The following GNPTAB variants were observed in gnomAD, a reference collection of about 807,000 sequenced individuals.
GNPTAB encodes N-acetylglucosamine-1-phosphotransferase subunits alpha/beta.
Under a neutral mutation model 136.6 loss-of-function variants are expected in GNPTAB, and 92 were observed. The observed-to-expected ratio is 0.67, with a 90% CI of 0.57 to 0.80. GNPTAB has a LOEUF of 0.80. GNPTAB is among the 30% of genes least tolerant of loss of function. GNPTAB has a pLI of 0.00. For synonymous variants in GNPTAB, 512 were observed against 535.1 expected, an observed-to-expected ratio of 0.96 and a Z score of 0.60; for missense variants, 1,343 against 1,501.8, an observed-to-expected ratio of 0.89 and a Z score of 1.75.
At chr12:101,768,432 C>T (rs547266874) in intron 10 of GNPTAB, among the ~76,000 whole-genome samples, 1 of 152,296 alleles carries the variant, frequency 6.6e-6, no homozygotes, top group Admixed American at 6.5e-5. Context: ...GGATTAGTCT[C>T]TCATAACATG....
At chr12:101,765,894 G>T in intron 12 of GNPTAB, 197 bp downstream of exon 12, 1 of 576,444 alleles carries the variant, frequency 1.7e-6, no homozygotes, top group East Asian at 3.1e-5. Flanking sequence ...CAAAACACCA[G>T]ACTGCAACAA....
intron 2 of GNPTAB, among the ~76,000 whole-genome samples, chr12:101,791,573 C>T (rs1172816187): frequency 6.6e-6 from 1 of 151,824 alleles, no homozygotes; most frequent in African/African-American, 2.4e-5. Context: ...CCACATACGG[C>T]CCACAGGTTG....
rs1953065532 is a variant in GNPTAB, at chr12:101,764,979, C to A, written c.1938G>T (p.Gln646His). Reference protein sequence around the residue: ...REGPKLNSTAQKGYENLVSPI... With the variant: ...REGPKLNSTAHKGYENLVSPI... Reference sequence around the variant, plus strand: ...GACTAACTAAATTTTCGTAACCCTTCTGGGCTGTAGAATTCAGTTTTGGTC... The same window carrying A: ...GACTAACTAAATTTTCGTAACCCTTATGGGCTGTAGAATTCAGTTTTGGTC... Residue 646 changes from glutamine to histidine, a missense_variant, in exon 13 of 21, where the codon CAG (glutamine) becomes CAT (histidine). By Grantham distance (24) the Gln-to-His change is conservative. Transcript: ENST00000299314. 1 of 1,614,086 alleles carries A rather than the reference C, an allele frequency of 6.2e-7. No homozygotes were observed. The highest frequency in any genetic ancestry group is 1.7e-5 in the Admixed American group (1 of 60,028).
rs1292556481 is a variant in GNPTAB at position 101,764,394 on chromosome 12, T to C, written c.2523A>G (p.Pro841=). Residue 841 remains proline, a synonymous_variant, in exon 13 of 21, where the codon CCA becomes CCG. Coordinates refer to ENST00000299314, the MANE Select transcript of GNPTAB (RefSeq NM_024312.5). ...TKEKPPSLIV[P]LESQMTKEKK... ...TTTCTTTTGTCATCTGGCTTTCCAGTGGAACAATCAGAGATGGGGGCTTTT... is the reference window on the plus strand; with the variant it reads ...TTTCTTTTGTCATCTGGCTTTCCAGCGGAACAATCAGAGATGGGGGCTTTT... The C allele has an allele frequency of 3.1e-6, 5 of 1,613,858 alleles. No homozygotes were observed. The highest frequency in any genetic ancestry group is 4.2e-6 in the Non-Finnish European group (5 of 1,180,022).
intron 1 of GNPTAB, among the ~76,000 whole-genome samples, chr12:101,801,332 A>G (rs1869611234): frequency 6.7e-6 from 1 of 149,096 alleles, no homozygotes; most frequent in African/African-American, 2.5e-5. Flanking sequence ...ACTTGAGCCC[A>G]GGAGTTCGAG....
intron 7 of GNPTAB, chr12:101,779,517 T>C (rs1953308018): frequency 6.5e-6 from 1 of 153,886 alleles, no homozygotes; most frequent in Non-Finnish European, 1.4e-5. Flanking sequence ...GTGGCATCAA[T>C]GGTCAAGCCT....
At position 101,770,161 on chromosome 12, in the gene GNPTAB, T is replaced by C. The variant is rs112543062; in HGVS notation, c.1144A>G (p.Thr382Ala). ...DVFRNLSHLPTFSSPAIESHI... is the reference protein window; with the variant it reads ...DVFRNLSHLPAFSSPAIESHI... ...CTTTCAATAGCAGGTGAACTAAAGG[T>C]AGGCAAGTGGCTCAAATTTCGAAAA... The change falls in exon 10 of 21, where the codon ACC becomes GCC. Residue 382 changes from threonine (T) to alanine (A), a missense_variant. Coordinates refer to ENST00000299314, the MANE Select transcript of GNPTAB (RefSeq NM_024312.5). The C allele has an allele frequency of 7.4e-6, 12 of 1,614,128 alleles. No homozygotes were observed. In the South Asian group the frequency reaches 1.3e-4, roughly 18 times the overall value.
Position 101,757,236 on chromosome 12 carries a change from A to G in GNPTAB, c.3410T>C (p.Leu1137Ser), listed in dbSNP as rs142065232. 6.2e-7 allele frequency: 1 copy of G among 1,603,540 alleles called. No homozygotes were observed. Among genetic ancestry groups the G allele is most frequent in the African/African-American group, 1.3e-5 (1 of 74,834 alleles). Residue 1137 changes from leucine (L) to serine (S), a missense_variant, in exon 18 of 21, where the codon TTG becomes TCG. Coordinates refer to ENST00000299314, the MANE Select transcript of GNPTAB (RefSeq NM_024312.5). ...RTNVSHVVGQ[L>S]DDIRKNPRKF... ...CCTAGGGTTTTTTCTTATGTCATCC[A>G]ACTGGCCAACCACATGAGAAACGTT...
chr12:101,819,525 G>A (rs548041852), intron 1 of GNPTAB, among the ~76,000 whole-genome samples: 8 of 152,170 alleles, frequency 5.3e-5, no homozygotes, highest in African/African-American at 1.9e-4. Context: ...GTTTATCAAA[G>A]GAAAAAGAAA....
chr12:101,797,786 C>T (rs759771696), intron 1 of GNPTAB, among the ~76,000 whole-genome samples: 1 of 152,136 alleles, frequency 6.6e-6, no homozygotes, highest in Non-Finnish European at 1.5e-5. Context: ...AATCTATAAA[C>T]CTACCCACAC....
chr12:101,751,910 T>C (rs1952825064), intron 19 of GNPTAB, among the ~76,000 whole-genome samples: 1 of 152,094 alleles, frequency 6.6e-6, no homozygotes, highest in South Asian at 2.1e-4. Context: ...TGCAAGTTAC[T>C]TCCTGTTGCT....
At chr12:101,772,271 C>T (rs1307710361) in intron 7 of GNPTAB, among the ~76,000 whole-genome samples, 1 of 152,196 alleles carries the variant, frequency 6.6e-6, no homozygotes, top group Non-Finnish European at 1.5e-5. Flanking sequence ...TGAACTAGTG[C>T]TTCTAAAAGA....
Position 101,747,180 on chromosome 12 carries a change from T to C in GNPTAB, c.3755A>G (p.Asn1252Ser), listed in dbSNP as rs749653387. 1.3e-5 allele frequency: 20 copies of C among 1,583,954 alleles called. No homozygotes were observed. The highest frequency in any genetic ancestry group is 4.0e-5 in the African/African-American group (3 of 74,478). Residue 1252 changes from asparagine to serine, a missense_variant, in exon 21 of 21, where the codon AAT (asparagine) becomes AGT (serine). Asn to Ser is a conservative substitution (Grantham distance 46). Coordinates refer to ENST00000299314, the MANE Select transcript of GNPTAB (RefSeq NM_024312.5). ...GAAGATCTTCTATACTCTGATTCGA[T>C]TGGGACTAGCTTCTTTGTGTATCCT... Reference protein sequence around the residue: ...RRRIHKEASPNRIRV With the variant: ...RRRIHKEASPSRIRV
intron 1 of GNPTAB, among the ~76,000 whole-genome samples, chr12:101,811,753 C>T (rs1018993792): frequency 1.3e-5 from 2 of 151,712 alleles, no homozygotes; most frequent in Admixed American, 1.3e-4. Context: ...ATTCTCTTGC[C>T]TCAGCTTCCC....
chr12:101,771,928 T>C (rs1457477858), intron 7 of GNPTAB, among the ~76,000 whole-genome samples: 1 of 152,278 alleles, frequency 6.6e-6, no homozygotes, highest in Admixed American at 6.5e-5. Flanking sequence ...CTTGCTGGAA[T>C]TGGTGACAAG....
At chr12:101,775,304 T>C (rs887176927) in intron 7 of GNPTAB, among the ~76,000 whole-genome samples, 2 of 152,144 alleles carry the variant, frequency 1.3e-5, no homozygotes, top group Non-Finnish European at 2.9e-5. Flanking sequence ...TAAGACCAAC[T>C]GAAAACCAAA....
chr12:101,828,286 G>C (rs1429107736), intron 1 of GNPTAB, among the ~76,000 whole-genome samples: 3 of 152,088 alleles, frequency 2.0e-5, no homozygotes, highest in Non-Finnish European at 4.4e-5. Context: ...CAAAGATAAG[G>C]AAGCTCAGAG....
chr12:101,808,375 TAAA>T (rs779978335), intron 1 of GNPTAB, among the ~76,000 whole-genome samples: 6 of 106,680 alleles, frequency 5.6e-5, no homozygotes, highest in Admixed American at 1.0e-4. Flanking sequence ...CCCGGGCAAT[TAAA>T]AAAAAAAAAA....
chr12:101,788,973 A>C (rs902936032), intron 3 of GNPTAB, among the ~76,000 whole-genome samples: 4 of 152,252 alleles, frequency 2.6e-5, no homozygotes, highest in African/African-American at 9.6e-5. Flanking sequence ...TCATATATTA[A>C]ATAAAAAGTA....
Sources: gnomAD v4.1 joint callset for allele counts (sites outside exome capture counted in the v4.1 genomes callset) on GRCh38, gnomAD v4.1.1 for gene constraint, MANE v1.5 for transcripts, NCBI Gene and HGNC (gene_info 2026-07-23, HGNC 2026-07-21) for gene names.